The following GRIN2B variants were observed in gnomAD, a reference collection of about 807,000 sequenced individuals.
GRIN2B encodes glutamate receptor ionotropic, NMDA 2B.
Under a neutral mutation model 114.5 loss-of-function variants are expected in GRIN2B, and 5 were observed. The ratio of observed to expected loss-of-function variants is 0.04; its 90% CI spans 0.02 to 0.09. The LOEUF is 0.09. Ranked by LOEUF, GRIN2B falls within the 10% of genes least tolerant of loss-of-function variation. GRIN2B has a pLI of 1.00. For missense variants in GRIN2B, 1,108 were observed against 1,943.5 expected (o/e 0.57, Z 8.08); for synonymous variants, 787 against 745.1 (o/e 1.06, Z -0.92).
chr12:13,880,081 A>G (rs1866047467), intron 2 of GRIN2B, among the ~76,000 whole-genome samples: 1 of 152,022 alleles, frequency 6.6e-6, no homozygotes, highest in Non-Finnish European at 1.5e-5. Flanking sequence ...AAGCACACAC[A>G]CTCCCCAACA....
chr12:13,673,394 C>G (rs956808084), intron 5 of GRIN2B, among the ~76,000 whole-genome samples: 2 of 152,038 alleles, frequency 1.3e-5, no homozygotes, highest in African/African-American at 4.8e-5. Context: ...AATGCAAGAA[C>G]AGATCAAGTC....
Position 13,808,748 on chromosome 12 carries a change from A to AT in GRIN2B, c.412-54834_412-54833insA, listed in dbSNP as rs1388525573. ...CCCTAGAACTTAAAGTATAATAAAA[A>AT]AAAAATATATATATATATATATACA... On this transcript the variant is annotated intron_variant, in intron 3 of 13. Coordinates refer to ENST00000609686, the MANE Select transcript of GRIN2B (RefSeq NM_000834.5). 3.2e-4 allele frequency among the ~76,000 whole-genome samples: 35 copies of AT among 110,292 alleles called. 2 individuals are homozygous for AT. The highest frequency in any genetic ancestry group is 7.8e-4 in the African/African-American group (27 of 34,458). The allele number at this position is 110,292 out of a possible 152,430, so 72.4% of individuals were successfully genotyped here. A position where few individuals can be genotyped will look rare whatever the true frequency, so the allele number is the denominator to read the frequency against.
At chr12:13,896,850 G>A (rs2136783093) in intron 2 of GRIN2B, among the ~76,000 whole-genome samples, 1 of 152,290 alleles carries the variant, frequency 6.6e-6, no homozygotes, top group South Asian at 2.1e-4. Context: ...GTGACCTTGA[G>A]TAAGCTGTTT....
rs756477125 is a variant in GRIN2B at position 13,899,378 on chromosome 12, C to A, written c.-18-33152G>T. Reference sequence around the variant, plus strand: ...AATAAGACAAGACACTATGATCTGGCAAAAGGAAGTGGGTCAGTGTCAAGT... The same window carrying A: ...AATAAGACAAGACACTATGATCTGGAAAAAGGAAGTGGGTCAGTGTCAAGT... On this transcript the variant is annotated intron_variant, in intron 2 of 13. Transcript: ENST00000609686. Among the ~76,000 whole-genome samples, 13 of 151,768 alleles carry A rather than the reference C, an allele frequency of 8.6e-5. 1 individual carries two copies. The highest frequency in any genetic ancestry group is 1.9e-4 in the Non-Finnish European group (13 of 67,934).
chr12:13,915,195 AT>A (rs746549650), intron 2 of GRIN2B, among the ~76,000 whole-genome samples: 50 of 152,268 alleles, frequency 3.3e-4, no homozygotes, highest in African/African-American at 1.2e-3. Flanking sequence ...TTGTGTACCC[AT>A]TTTTTTAGCA....
rs117708773 is a variant in GRIN2B at position 13,916,779 on chromosome 12, C to A, written c.-18-50553G>T. 2.7e-3 allele frequency among the ~76,000 whole-genome samples: 334 copies of A among 125,134 alleles called. 9 individuals carry two copies. The East Asian group carries it at 0.07, about 26-fold the overall frequency. The allele number at this position is 125,134 out of a possible 152,430, so 82.1% of individuals were successfully genotyped here. A position where few individuals can be genotyped will look rare whatever the true frequency, so the allele number is the denominator to read the frequency against. Reference sequence around the variant, plus strand: ...TGTGTGTATTTTAATCCTCAATGTACGCCAGGATGACAATGGGCTCAAAGT... The same window carrying A: ...TGTGTGTATTTTAATCCTCAATGTAAGCCAGGATGACAATGGGCTCAAAGT... On this transcript the variant is annotated intron_variant, in intron 2 of 13. Coordinates refer to ENST00000609686, the MANE Select transcript of GRIN2B (RefSeq NM_000834.5).
At chr12:13,653,335 T>G (rs1024468814) in intron 5 of GRIN2B, among the ~76,000 whole-genome samples, 1 of 152,028 alleles carries the variant, frequency 6.6e-6, no homozygotes, top group Non-Finnish European at 1.5e-5. Context: ...AGTTAAGGCT[T>G]AAAAGAAGGG....
rs1239132828 is a variant in GRIN2B at position 13,865,883 on chromosome 12, G to A, written c.326C>T (p.Ala109Val). The change falls in exon 3 of 14, where the codon GCC (alanine) becomes GTC (valine). Residue 109 changes from alanine to valine, a missense_variant. Coordinates refer to ENST00000609686, the MANE Select transcript of GRIN2B (RefSeq NM_000834.5). ...FADDTDQEAI[A>V]QILDFISAQT... Reference sequence around the variant, plus strand: ...TGCTGAAATGAAATCGAGGATCTGGGCGATGGCTTCCTGGTCTGTGTCATC... The same window carrying A: ...TGCTGAAATGAAATCGAGGATCTGGACGATGGCTTCCTGGTCTGTGTCATC... 5.0e-6 allele frequency: 8 copies of A among 1,613,914 alleles called. No homozygotes were observed. The highest frequency in any genetic ancestry group is 1.3e-5 in the African/African-American group (1 of 74,872).
In GRIN2B at chr12:13,564,004, G is replaced by C. The variant is rs1208973440; in HGVS notation, c.3234C>G (p.Ala1078=). Residue 1078 remains alanine, a synonymous_variant, in exon 14 of 14, where the codon GCC becomes GCG. Transcript: ENST00000609686. This position sits in a 1 kb window ranked among gnomAD's most constrained non-coding sequence, Gnocchi z 4.8. The part of the protein sequence containing the change: ...VTYGNIEGNA[A]KRRKQQYKDS... ...CCTTATATTGCTGCTTACGCCTCTT[G>C]GCGGCATTGCCCTCGATGTTCCCAT... The C allele has an allele frequency of 3.1e-6, 5 of 1,614,124 alleles. No individual in the cohort carries two copies. In the Admixed American group the frequency reaches 6.7e-5, roughly 22 times the overall value.
chr12:13,681,812 T>C (rs945125115), intron 4 of GRIN2B, among the ~76,000 whole-genome samples: 4 of 152,192 alleles, frequency 2.6e-5, no homozygotes, highest in Admixed American at 1.3e-4. Flanking sequence ...TTTCATCTGA[T>C]TAATACTGTT....
In GRIN2B at chr12:13,558,505, C is replaced by T. The variant is rs1948501060; in HGVS notation, c.*4278G>A. 6.6e-6 allele frequency: 1 copy of T among 151,646 alleles called. No homozygotes were observed. Among genetic ancestry groups the T allele is most frequent in the Non-Finnish European group, 1.5e-5 (1 of 67,936 alleles). The allele number at this position is 151,646 out of a possible 1,614,324, so 9.4% of individuals were successfully genotyped here. ...AAAAAAAAAAATGAACCAAAGAAAC[C>T]TAGTTCTTAGTGACATGTGCAGGTG... On this transcript the variant is annotated 3_prime_UTR_variant, in exon 14 of 14. Coordinates refer to ENST00000609686, the MANE Select transcript of GRIN2B (RefSeq NM_000834.5).
intron 2 of GRIN2B, among the ~76,000 whole-genome samples, chr12:13,967,727 C>T (rs1182401254): frequency 1.3e-5 from 2 of 152,080 alleles, no homozygotes; most frequent in Non-Finnish European, 2.9e-5. Context: ...TTTCACATCC[C>T]AGGGTGGGCT....
intron 3 of GRIN2B, among the ~76,000 whole-genome samples, chr12:13,825,221 T>C (rs1486591822): frequency 2.0e-5 from 3 of 151,886 alleles, no homozygotes; most frequent in Non-Finnish European, 4.4e-5. Context: ...TTTCCAAAAT[T>C]TAGGTATTTT....
intron 4 of GRIN2B, among the ~76,000 whole-genome samples, chr12:13,691,074 C>T (rs952650565): frequency 6.6e-6 from 1 of 152,070 alleles, no homozygotes; most frequent in South Asian, 2.1e-4. Context: ...GAGGAATAAT[C>T]TTTTTCTCAA....
chr12:13,872,228 C>T (rs558273179), intron 2 of GRIN2B, among the ~76,000 whole-genome samples: 79 of 151,872 alleles, frequency 5.2e-4, no homozygotes, highest in African/African-American at 1.5e-3. Flanking sequence ...TGGCCAGGCA[C>T]GGTGGCTCAC....
intron 2 of GRIN2B, among the ~76,000 whole-genome samples, chr12:13,875,732 T>C (rs1865982949): frequency 6.6e-6 from 1 of 152,156 alleles, no homozygotes; most frequent in South Asian, 2.1e-4. Flanking sequence ...ACTTTTAACA[T>C]TTAGTCTTAA....
At chr12:13,750,319 T>C (rs920188667) in intron 4 of GRIN2B, among the ~76,000 whole-genome samples, 1 of 152,112 alleles carries the variant, frequency 6.6e-6, no homozygotes, top group African/African-American at 2.4e-5. Flanking sequence ...GCAACAAAGG[T>C]TAAAACCAAT....
At chr12:13,959,101 C>T (rs150729646) in intron 2 of GRIN2B, among the ~76,000 whole-genome samples, 293 of 152,178 alleles carry the variant, frequency 1.9e-3, no homozygotes, top group African/African-American at 6.7e-3. Flanking sequence ...AAATGAGAGA[C>T]GGAGTAATAG....
At chr12:13,935,549 C>T (rs772617142) in intron 2 of GRIN2B, among the ~76,000 whole-genome samples, 7 of 152,152 alleles carry the variant, frequency 4.6e-5, no homozygotes, top group Admixed American at 1.3e-4. Flanking sequence ...GACTATGATA[C>T]TTACTAGTTG....
Sources: allele counts gnomAD v4.1 joint callset (sites outside exome capture counted in the v4.1 genomes callset), GRCh38; gene constraint gnomAD v4.1.1; non-coding constraint Gnocchi (gnomAD v3.1); transcripts MANE v1.5; gene names NCBI Gene and HGNC (gene_info 2026-07-23, HGNC 2026-07-21).